Variants in SPRR2B observed in about 807,000 individuals in gnomAD.
SPRR2B encodes small proline-rich protein 2B.
Under a neutral mutation model 1.0 loss-of-function variants are expected in SPRR2B, and 1 was observed. The observed-to-expected ratio is 1.01, with a 90% confidence interval of 0.36 to 4.77. The LOEUF (loss-of-function observed/expected upper bound fraction) is 4.77, where lower values mean the gene tolerates loss of function less well. Ranked by LOEUF, SPRR2B falls within the 30% of genes most tolerant of loss-of-function variation. The pLI is 0.16. For synonymous variants in SPRR2B, 27 were observed against 33.4 expected (o/e 0.81, Z 0.66); for missense variants, 53 against 88.7 (o/e 0.60, Z 1.62).
At chr1:153,071,454 C>A (rs1421672427) in intron 1 of SPRR2B, among the ~76,000 whole-genome samples, 115 bp downstream of exon 1, 1 of 152,180 alleles carries the variant, frequency 6.6e-6, no homozygotes, top group Non-Finnish European at 1.5e-5. Context: ...GTATTTCCAT[C>A]CACTAAGTAC....
the SPRR2B span, among the ~76,000 whole-genome samples, chr1:153,080,090 T>C: frequency 2.7e-5 from 4 of 150,884 alleles, no homozygotes; most frequent in African/African-American, 7.3e-5. Flanking sequence ...AAGATGTGTG[T>C]ATTGATAGAG....
At chr1:153,076,950 TAAAGGC>T in the SPRR2B span, among the ~76,000 whole-genome samples, 1 of 152,228 alleles carries the variant, frequency 6.6e-6, no homozygotes, top group African/African-American at 2.4e-5. Context: ...ATGTCAGTCT[TAAAGGC>T]TGTAGGCCCA....
At chr1:153,074,343 G>T (rs932347229), upstream of SPRR2B, among the ~76,000 whole-genome samples, 3 of 151,986 alleles carry the variant, frequency 2.0e-5, no homozygotes, top group Non-Finnish European at 4.4e-5. Context: ...GGCAAATAAA[G>T]ATTTAAAATT....
At chr1:153,082,595 C>T in the SPRR2B span, among the ~76,000 whole-genome samples, 7 of 151,932 alleles carry the variant, frequency 4.6e-5, no homozygotes, top group South Asian at 2.1e-4. Flanking sequence ...AATTAAACAA[C>T]GCACTCTTAA....
chr1:153,082,651 G>T, the SPRR2B span, among the ~76,000 whole-genome samples: 5 of 151,910 alleles, frequency 3.3e-5, no homozygotes, highest in Non-Finnish European at 4.4e-5. Flanking sequence ...ATTAGAAATC[G>T]CTTGAGACTA....
At chr1:153,086,778 T>C in the SPRR2B span, among the ~76,000 whole-genome samples, 1 of 152,174 alleles carries the variant, frequency 6.6e-6, no homozygotes, top group Non-Finnish European at 1.5e-5. Flanking sequence ...GAATATATAT[T>C]CTTCTCATTG....
the SPRR2B span, among the ~76,000 whole-genome samples, chr1:153,081,265 A>G: frequency 6.6e-6 from 1 of 152,232 alleles, no homozygotes; most frequent in African/African-American, 2.4e-5. Context: ...ACAAATTATA[A>G]TCAAATTATC....
chr1:153,075,565 A>T (rs982210159), upstream of SPRR2B, among the ~76,000 whole-genome samples: 6 of 152,086 alleles, frequency 3.9e-5, no homozygotes, highest in Non-Finnish European at 7.4e-5. Context: ...TAATAATAGT[A>T]CCTACTACTA....
the SPRR2B span, among the ~76,000 whole-genome samples, chr1:153,079,479 A>G: frequency 1.3e-5 from 2 of 152,332 alleles, no homozygotes; most frequent in African/African-American, 4.8e-5. Context: ...GTTTTCTACT[A>G]GAGTTTTTAT....
At chr1:153,082,334 A>G in the SPRR2B span, among the ~76,000 whole-genome samples, 2 of 152,166 alleles carry the variant, frequency 1.3e-5, no homozygotes, top group Non-Finnish European at 2.9e-5. Flanking sequence ...CCCCAAAAAC[A>G]CAAATTGGAA....
chr1:153,080,719 A>G, the SPRR2B span, among the ~76,000 whole-genome samples: 8 of 152,368 alleles, frequency 5.3e-5, no homozygotes, highest in South Asian at 1.4e-3. Context: ...ATAAAAAAAT[A>G]CAAACTAACT....
At chr1:153,078,525 C>G in the SPRR2B span, among the ~76,000 whole-genome samples, 9 of 152,092 alleles carry the variant, frequency 5.9e-5, no homozygotes. Context: ...ACCCCCACCC[C>G]ACAACCGGCC....
the SPRR2B span, among the ~76,000 whole-genome samples, chr1:153,078,678 A>C: frequency 6.6e-6 from 1 of 152,114 alleles, no homozygotes; most frequent in Middle Eastern, 3.2e-3. Flanking sequence ...CCATGTCCCT[A>C]CAAAGGACAT....
At chr1:153,074,030 T>C (rs1055609680), upstream of SPRR2B, among the ~76,000 whole-genome samples, 4 of 152,178 alleles carry the variant, frequency 2.6e-5, no homozygotes, top group African/African-American at 9.6e-5. Flanking sequence ...ACTACTACAG[T>C]CAAGATAAAT....
chr1:153,078,600 G>A, the SPRR2B span, among the ~76,000 whole-genome samples: 1 of 151,706 alleles, frequency 6.6e-6, no homozygotes, highest in Non-Finnish European at 1.5e-5. Flanking sequence ...ACCTATGAGT[G>A]AGAACATGCG....
the SPRR2B span, among the ~76,000 whole-genome samples, chr1:153,085,968 G>A: frequency 5.7e-4 from 87 of 152,158 alleles, 3 homozygotes; most frequent in African/African-American, 1.1e-3. Flanking sequence ...GATCCTTTTC[G>A]GACAAGCAAA....
At chr1:153,078,358 C>G in the SPRR2B span, among the ~76,000 whole-genome samples, 6 of 133,122 alleles carry the variant, frequency 4.5e-5, no homozygotes, top group African/African-American at 1.6e-4. Flanking sequence ...TTTTAAGGAG[C>G]TTACTTTCTG....
chr1:153,078,485 G>T, the SPRR2B span, among the ~76,000 whole-genome samples: 1 of 152,104 alleles, frequency 6.6e-6, no homozygotes, highest in Non-Finnish European at 1.5e-5. Context: ...TTAACATTAG[G>T]TATATCTCCA....
chr1:153,073,734 A>ACACACACAC (rs1654720254), upstream of SPRR2B, among the ~76,000 whole-genome samples: 1 of 135,016 alleles, frequency 7.4e-6, no homozygotes, highest in African/African-American at 3.0e-5. Context: ...CACACACACA[A>ACACACACAC]CATGAGTCTT....
Sources: gnomAD v4.1 joint callset for allele counts (sites outside exome capture counted in the v4.1 genomes callset) on GRCh38, gnomAD v4.1.1 for gene constraint, MANE v1.5 for transcripts, NCBI Gene and HGNC (gene_info 2026-07-23, HGNC 2026-07-21) for gene names.